Variants in SEPSECS observed in about 807,000 individuals in gnomAD.
SEPSECS encodes O-phosphoseryl-tRNA(Sec) selenium transferase.
Under a neutral mutation model 52.1 loss-of-function variants are expected in SEPSECS, and 42 were observed. That is an observed-to-expected ratio of 0.81 (90% CI 0.63 to 1.04). The LOEUF is 1.04. Ranked by LOEUF, SEPSECS falls within the 50% of genes least tolerant of loss-of-function variation. The pLI is 0.00. For missense variants in SEPSECS, 590 were observed against 610.6 expected (o/e 0.97, Z 0.36); for synonymous variants, 216 against 211.4 (o/e 1.02, Z -0.19).
intron 6 of SEPSECS, among the ~76,000 whole-genome samples, chr4:25,149,399 A>T (rs950832985): frequency 1.3e-5 from 2 of 152,066 alleles, no homozygotes; most frequent in East Asian, 3.9e-4. Flanking sequence ...GTGCACCACC[A>T]AATTTTCTAG....
rs1728227225 is a variant in SEPSECS, at chr4:25,123,673, C to T, written c.*258G>A. On this transcript the variant is annotated 3_prime_UTR_variant, in exon 11 of 11. Coordinates refer to ENST00000382103, the MANE Select transcript of SEPSECS (RefSeq NM_016955.4). ...AGTAAAAATTATCTGAGTCATGATG[C>T]TTAATTGACAGATATTCTAACAATT... 5 of 477,668 alleles carry T rather than the reference C, an allele frequency of 1.0e-5. No individual in the cohort carries two copies. Among genetic ancestry groups the T allele is most frequent in the Non-Finnish European group, 1.9e-5 (5 of 263,452 alleles). The allele number at this position is 477,668 out of a possible 1,614,324, so 29.6% of individuals were successfully genotyped here.
chr4:25,159,128 T>A (rs1560338455), intron 1 of SEPSECS, 21 bp from the exon 2 acceptor site: 1 of 1,370,036 alleles, frequency 7.3e-7, no homozygotes, highest in African/African-American at 1.5e-5. Flanking sequence ...AAAAAAAACT[T>A]ATGATTATAT....
In SEPSECS at chr4:25,145,132, C is replaced by A; in HGVS notation, c.806G>T (p.Gly269Val). The change falls in exon 7 of 11, where the codon GGG becomes GTG. Residue 269 changes from glycine to valine, a missense_variant and splice_region_variant. Transcript: ENST00000382103. ...SSKCMHLIQQ[G>V]ARVGRIDAFV... ...AGCATCTATTCTACCAACTCGAGCC[C>A]CCTGGAATCAATATGATATTACATA... 6.2e-7 allele frequency: 1 copy of A among 1,613,712 alleles called. No individual in the cohort carries two copies. The highest frequency in any genetic ancestry group is 8.5e-7 in the Non-Finnish European group (1 of 1,179,860).
At chr4:25,158,832 G>C in intron 2 of SEPSECS, 121 bp downstream of exon 2, 1 of 957,708 alleles carries the variant, frequency 1.0e-6, no homozygotes, top group Non-Finnish European at 1.6e-6. Context: ...ATCCATTAGA[G>C]CAGGGAAGAA....
At chr4:25,158,121 C>T (rs1000264536) in intron 2 of SEPSECS, among the ~76,000 whole-genome samples, 2 of 152,122 alleles carry the variant, frequency 1.3e-5, no homozygotes, top group Non-Finnish European at 2.9e-5. Context: ...TAGTGCTGTA[C>T]TTCCTCACCA....
chr4:25,132,177 T>C (rs1288564244), intron 8 of SEPSECS, among the ~76,000 whole-genome samples: 1 of 152,218 alleles, frequency 6.6e-6, no homozygotes, highest in Non-Finnish European at 1.5e-5. Context: ...CTGCCACTAC[T>C]GTGAAAAAGA....
chr4:25,156,091 T>C lies in SEPSECS; in HGVS notation c.493A>G (p.Ile165Val). ...LRHKRPKAKY[I>V]IWPRIDQKSC... ...TTCTGGTCTATTCGTGGCCATATAA[T>C]ATACTTTGCCTTTGGTCTTTTGTGT... Residue 165 changes from isoleucine (I) to valine (V), a missense_variant, in exon 4 of 11, where the codon ATT becomes GTT. By Grantham distance (29) the Ile-to-Val change is conservative (BLOSUM62 3). Transcript: ENST00000382103. 5 of 1,614,040 alleles carry C rather than the reference T, an allele frequency of 3.1e-6. No homozygotes were observed. The highest frequency in any genetic ancestry group is 4.2e-6 in the Non-Finnish European group (5 of 1,179,956).
Position 25,120,086 on chromosome 4 carries a change from A to G in SEPSECS, c.*3845T>C, listed in dbSNP as rs1728057443. The G allele has an allele frequency of 6.6e-6, 1 of 152,152 alleles. No homozygotes were observed. The highest frequency in any genetic ancestry group is 2.1e-4 in the South Asian group (1 of 4,828). 9.4% of individuals were successfully genotyped at this position (152,152 alleles called of 1,614,324 possible). On this transcript the variant is annotated 3_prime_UTR_variant, in exon 11 of 11. Coordinates refer to ENST00000382103, the MANE Select transcript of SEPSECS (RefSeq NM_016955.4). ...TCATCTTTAAACAGTCTACACCGAA[A>G]ACATTTTTGGAAACATCTTTTCCTT...
intron 8 of SEPSECS, among the ~76,000 whole-genome samples, chr4:25,136,083 C>G (rs1728829890): frequency 6.6e-6 from 1 of 152,038 alleles, no homozygotes; most frequent in Non-Finnish European, 1.5e-5. Flanking sequence ...TATGACAAAC[C>G]CACAGCCAAT....
chr4:25,125,842 A>G (rs1728341360), intron 9 of SEPSECS, 58 bp from the exon 10 acceptor site: 1 of 958,034 alleles, frequency 1.0e-6, no homozygotes, highest in East Asian at 2.5e-5. Context: ...AAATCACTCA[A>G]ATAATAACAA....
chr4:25,135,139 A>C (rs1315292918), intron 8 of SEPSECS, among the ~76,000 whole-genome samples: 1 of 152,150 alleles, frequency 6.6e-6, no homozygotes, highest in Non-Finnish European at 1.5e-5. Context: ...TCTAACATCA[A>C]CTAAAAGAAG....
At position 25,156,032 on chromosome 4, in the gene SEPSECS, C is replaced by T. The variant is rs753075744; in HGVS notation, c.547+5G>A. On this transcript the variant is annotated splice_donor_5th_base_variant and intron_variant, in intron 4 of 10. Transcript: ENST00000382103. ...TTAAAACATTATGTATGACACTTCT[C>T]TTACCTGCAGTGATCATGGATTTAA... 1 of 1,611,822 alleles carries T rather than the reference C, an allele frequency of 6.2e-7. No individual in the cohort carries two copies. The highest frequency in any genetic ancestry group is 8.5e-7 in the Non-Finnish European group (1 of 1,178,024).
At chr4:25,143,724 T>C (rs1711755844) in intron 8 of SEPSECS, among the ~76,000 whole-genome samples, 1 of 152,224 alleles carries the variant, frequency 6.6e-6, no homozygotes, top group South Asian at 2.1e-4. Context: ...AAACTTGTTA[T>C]GTATTCATCC....
intron 1 of SEPSECS, among the ~76,000 whole-genome samples, 175 bp from the exon 2 acceptor site, chr4:25,159,282 T>G (rs1223438016): frequency 6.6e-6 from 1 of 152,210 alleles, no homozygotes; most frequent in African/African-American, 2.4e-5. Context: ...CGTTTGTACA[T>G]TTGATTACAA....
intron 8 of SEPSECS, among the ~76,000 whole-genome samples, chr4:25,135,184 CA>C (rs1300190319): frequency 1.3e-5 from 2 of 149,312 alleles, no homozygotes; most frequent in Admixed American, 1.3e-4. Flanking sequence ...CCAAAGCTAG[CA>C]GAAGACAAGA....
intron 9 of SEPSECS, 85 bp from the exon 10 acceptor site, chr4:25,125,869 A>G: frequency 1.2e-6 from 1 of 817,156 alleles, no homozygotes; most frequent in South Asian, 1.4e-5. Flanking sequence ...TGATGAAGGC[A>G]TTACTTTTTA....
chr4:25,144,884 G>GTA lies in SEPSECS; in HGVS notation c.935-20_935-19insTA. On this transcript the variant is annotated intron_variant, in intron 7 of 10. Coordinates refer to ENST00000382103, the MANE Select transcript of SEPSECS (RefSeq NM_016955.4). The stretch of plus-strand genomic sequence containing the variant: ...GCTCTTCCTGAAATAAGAAGGATAA[G>GTA]TTACATTAAGACTGTGGTGGGGGGG... 6.3e-7 allele frequency: 1 copy of GTA among 1,598,990 alleles called. No individual in the cohort carries two copies. The highest frequency in any genetic ancestry group is 8.6e-7 in the Non-Finnish European group (1 of 1,166,444).
At chr4:25,155,923 T>TA (rs1430906564) in intron 4 of SEPSECS, 114 bp downstream of exon 4, 1 of 1,042,082 alleles carries the variant, frequency 9.6e-7, no homozygotes, top group Non-Finnish European at 1.4e-6. Flanking sequence ...TTTTTTCTTT[T>TA]AAAAAAGCAA....
At chr4:25,155,243 A>G (rs1712552120) in intron 4 of SEPSECS, 92 bp from the exon 5 acceptor site, 2 of 1,338,812 alleles carry the variant, frequency 1.5e-6, no homozygotes, top group Non-Finnish European at 2.1e-6. Context: ...CTACACAAGA[A>G]CTCTTAATAT....
Sources: gnomAD v4.1 joint callset for allele counts (sites outside exome capture counted in the v4.1 genomes callset) on GRCh38, gnomAD v4.1.1 for gene constraint, MANE v1.5 for transcripts, NCBI Gene and HGNC (gene_info 2026-07-23, HGNC 2026-07-21) for gene names.